The following ARHGEF6 variants were observed in gnomAD, a reference collection of about 807,000 sequenced individuals.
The protein encoded by ARHGEF6 is Rac/Cdc42 guanine nucleotide exchange factor 6, also known as rho guanine nucleotide exchange factor 6.
ARHGEF6 carries 9 observed loss-of-function variants against 70.3 expected under a neutral mutation model. The observed-to-expected ratio is 0.13, with a 90% CI of 0.08 to 0.22. ARHGEF6 has a LOEUF of 0.22. Among genes scored for constraint, ARHGEF6 ranks in the 10% least tolerant of loss-of-function variants. ARHGEF6 has a pLI of 1.00. For missense variants in ARHGEF6, 470 were observed against 563.0 expected, an observed-to-expected ratio of 0.83 and a Z score of 1.67; for synonymous variants, 201 against 207.8, an observed-to-expected ratio of 0.97 and a Z score of 0.28.
chrX:136,737,850 T>C (rs1455540087), intron 5 of ARHGEF6, among the ~76,000 whole-genome samples: 1 of 102,432 alleles, frequency 9.8e-6, no homozygotes, highest in East Asian at 3.0e-4. Context: ...AGAGTTGGGG[T>C]AGGAAAGAAT....
At chrX:136,741,192 G>A (rs2077038321) in intron 5 of ARHGEF6, among the ~76,000 whole-genome samples, 1 of 111,511 alleles carries the variant, frequency 9.0e-6, no homozygotes, top group East Asian at 2.8e-4. Context: ...TTGTCGGGGG[G>A]AGAGTGCAAA....
rs565285328 is a variant in ARHGEF6, at chrX:136,735,820, G to C, written c.662-3648C>G. On this transcript the variant is annotated intron_variant, in intron 5 of 21. Coordinates refer to ENST00000250617, the MANE Select transcript of ARHGEF6 (RefSeq NM_004840.3). ...GTCTCTCTGGACAGGAAACATCTAT[G>C]TGATACACCCAGGGGATTAAAACAG... is the stretch of plus-strand genomic sequence containing the variant. Among the ~76,000 whole-genome samples, 25 of 111,823 alleles carry C rather than the reference G, an allele frequency of 2.2e-4. No individual in the cohort carries two copies. The South Asian group carries it at 3.7e-3, about 17-fold the overall frequency.
At chrX:136,767,971 G>A (rs752259854) in intron 2 of ARHGEF6, among the ~76,000 whole-genome samples, 21 of 112,694 alleles carry the variant, frequency 1.9e-4, no homozygotes, top group Middle Eastern at 9.2e-3. Context: ...AGGGCTGCCG[G>A]TGCCTGGCAT....
Position 136,747,537 on chromosome X carries a change from G to A in ARHGEF6, c.305C>T (p.Thr102Ile). ...SGVNFSKVLS[T>I]LLAVNKATED... ...TGTTGCTTTGTTGACAGCTAAAAGA[G>A]TACTCAGTACCTTGGAGAAATTGAC... The change falls in exon 3 of 22, where the codon ACT (threonine) becomes ATT (isoleucine). Residue 102 changes from threonine to isoleucine, a missense_variant. Thr to Ile is a moderately conservative substitution (Grantham distance 89). This residue lies in a region of ARHGEF6 where 379 missense variants were observed against 449.3 expected (regional missense o/e 0.84). Transcript: ENST00000250617. 1 of 1,208,947 alleles carries A rather than the reference G, an allele frequency of 8.3e-7. No homozygotes were observed. The highest frequency in any genetic ancestry group is 1.1e-6 in the Non-Finnish European group (1 of 893,936).
At chrX:136,777,916 T>G (rs1039194282) in intron 2 of ARHGEF6, among the ~76,000 whole-genome samples, 2 of 110,170 alleles carry the variant, frequency 1.8e-5, no homozygotes, top group African/African-American at 6.6e-5. Flanking sequence ...ATGTTCTCAC[T>G]TATAAGGGGG....
chrX:136,770,107 G>C (rs2077352999), intron 2 of ARHGEF6, among the ~76,000 whole-genome samples: 1 of 111,888 alleles, frequency 8.9e-6, no homozygotes. Flanking sequence ...AGGGCAATTT[G>C]ACATTATCTA....
At chrX:136,736,295 T>C (rs1377572208) in intron 5 of ARHGEF6, among the ~76,000 whole-genome samples, 1 of 112,269 alleles carries the variant, frequency 8.9e-6, no homozygotes, top group African/African-American at 3.2e-5. Flanking sequence ...ATTGTATAAG[T>C]GGCTAATTTT....
intron 2 of ARHGEF6, among the ~76,000 whole-genome samples, chrX:136,769,733 A>G (rs1431460375): frequency 2.7e-5 from 3 of 112,160 alleles, no homozygotes; most frequent in Non-Finnish European, 5.6e-5. Context: ...TAAAACTGCC[A>G]TTGCTAGAAC....
rs2076652936 is a variant in ARHGEF6 at position 136,708,739 on chromosome X, C to T, written c.859G>A (p.Gly287Arg). 2.5e-6 allele frequency: 3 copies of T among 1,203,620 alleles called. No individual in the cohort carries two copies. The highest frequency in any genetic ancestry group is 3.4e-6 in the Non-Finnish European group (3 of 889,284). Residue 287 changes from glycine (G) to arginine (R), a missense_variant, in exon 8 of 22, where the codon GGA becomes AGA. Around this residue, in one of 3 missense-constraint regions of ARHGEF6, gnomAD observed 379 missense variants for 449.3 expected, o/e 0.84. Transcript: ENST00000250617. ...AATGTGCATACTTCCTCGAAGTTTC[C>T]CAGTAAAGATGTAACCTCCACAGTA... Reference protein sequence around the residue: ...LSTVEVTSLLGNFEEVCTFQQ... With the variant: ...LSTVEVTSLLRNFEEVCTFQQ...
intron 7 of ARHGEF6, among the ~76,000 whole-genome samples, chrX:136,711,253 C>T (rs1368667552): frequency 9.0e-6 from 1 of 111,700 alleles, no homozygotes; most frequent in East Asian, 2.8e-4. Context: ...AAAATCTTAC[C>T]GTCTCCCCTC....
intron 5 of ARHGEF6, among the ~76,000 whole-genome samples, chrX:136,737,882 G>A (rs1395553543): frequency 2.9e-5 from 3 of 104,392 alleles, no homozygotes; most frequent in Non-Finnish European, 5.8e-5. Context: ...CAGATTTATT[G>A]AGCACCTAAT....
chrX:136,713,216 A>G (rs1403319048), intron 7 of ARHGEF6, 60 bp downstream of exon 7: 27 of 898,841 alleles, frequency 3.0e-5, no homozygotes, highest in Non-Finnish European at 4.2e-5. Context: ...AAGAATAATG[A>G]TTCCATATGT....
chrX:136,680,718 A>G lies in ARHGEF6; in HGVS notation c.1704+13T>C. The stretch of plus-strand genomic sequence containing the variant: ...ACTCAATAATCTCTGGACAGAACAC[A>G]TGGACTACTTACAGAATGAGCACTA... On this transcript the variant is annotated intron_variant, in intron 15 of 21. Coordinates refer to ENST00000250617, the MANE Select transcript of ARHGEF6 (RefSeq NM_004840.3). The G allele has an allele frequency of 1.7e-6, 2 of 1,210,874 alleles. No homozygotes were observed. The highest frequency in any genetic ancestry group is 2.2e-6 in the Non-Finnish European group (2 of 894,492).
chrX:136,685,248 C>T (rs1448256621), intron 12 of ARHGEF6, among the ~76,000 whole-genome samples: 1 of 111,695 alleles, frequency 9.0e-6, no homozygotes, highest in East Asian at 2.8e-4. Flanking sequence ...TGATCTCTCC[C>T]TCCTGTGAAC....
chrX:136,679,637 G>A lies in ARHGEF6; in HGVS notation c.1728C>T (p.Pro576=). Residue 576 remains proline (P), a synonymous_variant, in exon 16 of 22, where the codon CCC becomes CCT. Coordinates refer to ENST00000250617, the MANE Select transcript of ARHGEF6 (RefSeq NM_004840.3). ...AHSSFSSTGQ[P]RGPLEPPQII... ...TTTGAGGAGGCTCCAAGGGTCCTCG[G>A]GGCTGTCCGGTAGAGCTAAAAGACT... 1.9e-5 allele frequency: 23 copies of A among 1,211,462 alleles called. No individual in the cohort carries two copies. The highest frequency in any genetic ancestry group is 2.6e-5 in the Non-Finnish European group (23 of 895,165).
At chrX:136,716,612 A>AGC (rs1415978256) in intron 6 of ARHGEF6, among the ~76,000 whole-genome samples, 1 of 112,356 alleles carries the variant, frequency 8.9e-6, no homozygotes, top group Non-Finnish European at 1.9e-5. Context: ...GAAGAGACAA[A>AGC]GCAAGCATCA....
At chrX:136,727,331 TTCTTTCTTTCTTTCTTTCTTTC>T (rs1569410809) in intron 6 of ARHGEF6, among the ~76,000 whole-genome samples, 5,222 of 46,154 alleles carry the variant, frequency 0.11, 215 homozygotes, top group South Asian at 0.29. Flanking sequence ...TTCTTTTTCT[TTCTTTCTTTCTTTCTTTCTTTC>T]TTTCTTTCTT....
At chrX:136,735,917 T>C (rs969792010) in intron 5 of ARHGEF6, among the ~76,000 whole-genome samples, 1 of 112,223 alleles carries the variant, frequency 8.9e-6, no homozygotes, top group Non-Finnish European at 1.9e-5. Context: ...TAATATGCCT[T>C]AATACAAATT....
At chrX:136,763,805 A>G (rs963923435) in intron 2 of ARHGEF6, among the ~76,000 whole-genome samples, 32 of 111,851 alleles carry the variant, frequency 2.9e-4, no homozygotes, top group African/African-American at 8.5e-4. Flanking sequence ...AGCCTGGGCA[A>G]CAGAGCGAGA....
Sources: gnomAD v4.1 joint callset for allele counts (sites outside exome capture counted in the v4.1 genomes callset) on GRCh38, gnomAD v4.1.1 for gene constraint, gnomAD v4.1.1 regional missense constraint, MANE v1.5 for transcripts, NCBI Gene and HGNC (gene_info 2026-07-23, HGNC 2026-07-21) for gene names.